Variants in CDH8 observed in about 807,000 individuals in gnomAD.
CDH8 encodes the protein cadherin 8.
CDH8 carries 17 observed loss-of-function variants against 68.1 expected under a neutral mutation model. The observed-to-expected ratio is 0.25, with a 90% confidence interval of 0.17 to 0.37. The LOEUF (loss-of-function observed/expected upper bound fraction) is 0.37, where lower values mean the gene tolerates loss of function less well. Ranked by LOEUF, CDH8 falls within the 10% of genes least tolerant of loss-of-function variation. The probability of loss-of-function intolerance (pLI) is 1.00; values close to 1 mark genes in which losing one functional copy is unlikely to be tolerated. For missense variants in CDH8, 763 were observed against 999.3 expected, an observed-to-expected ratio of 0.76 and a Z score of 3.19; for synonymous variants, 372 against 365.1, an observed-to-expected ratio of 1.02 and a Z score of -0.21.
At chr16:61,658,801 A>G (rs1439472790) in intron 10 of CDH8, among the ~76,000 whole-genome samples, 1 of 152,166 alleles carries the variant, frequency 6.6e-6, no homozygotes, top group African/African-American at 2.4e-5. Context: ...AGTTATATTG[A>G]AATATTAACC....
intron 8 of CDH8, among the ~76,000 whole-genome samples, chr16:61,782,545 T>A (rs1283736761): frequency 6.6e-6 from 1 of 151,926 alleles, no homozygotes; most frequent in East Asian, 1.9e-4. Context: ...CTTGCTTAGG[T>A]AAACAAAGCA....
intron 2 of CDH8, among the ~76,000 whole-genome samples, chr16:61,993,499 G>A (rs900504868): frequency 6.6e-6 from 1 of 152,074 alleles, no homozygotes; most frequent in Non-Finnish European, 1.5e-5. Flanking sequence ...GTTTGCAACA[G>A]TAATCTTTTT....
intron 4 of CDH8, among the ~76,000 whole-genome samples, chr16:61,854,139 C>T (rs1052414946): frequency 9.9e-5 from 15 of 151,642 alleles, no homozygotes; most frequent in Non-Finnish European, 1.6e-4. Context: ...TACACACACA[C>T]ACACACACAC....
At chr16:61,929,962 A>G (rs1964514869) in intron 2 of CDH8, among the ~76,000 whole-genome samples, 1 of 152,172 alleles carries the variant, frequency 6.6e-6, no homozygotes, top group Admixed American at 6.5e-5. Context: ...CCAAAAGCCA[A>G]TATTAAATAA....
At chr16:61,780,222 G>C (rs1215913252) in intron 8 of CDH8, among the ~76,000 whole-genome samples, 1 of 152,142 alleles carries the variant, frequency 6.6e-6, no homozygotes, top group Non-Finnish European at 1.5e-5. Flanking sequence ...GCCATGCACT[G>C]TAGTTTCAGG....
intron 10 of CDH8, among the ~76,000 whole-genome samples, chr16:61,668,959 T>C (rs1167337938): frequency 6.6e-6 from 1 of 152,080 alleles, no homozygotes. Context: ...AGCACTAGTT[T>C]AAGTGAAGTA....
chr16:61,879,098 C>G (rs1449198639), intron 3 of CDH8, among the ~76,000 whole-genome samples: 1 of 152,002 alleles, frequency 6.6e-6, no homozygotes, highest in Non-Finnish European at 1.5e-5. Flanking sequence ...TGTCTAAATC[C>G]CACACAAATT....
chr16:61,649,209 C>G lies in CDH8; in HGVS notation c.*4399G>C, dbSNP rs1465833087. The G allele has an allele frequency of 6.6e-6, 1 of 151,708 alleles. No homozygotes were observed. Among genetic ancestry groups the G allele is most frequent in the Non-Finnish European group, 1.5e-5 (1 of 67,882 alleles). 9.4% of individuals were successfully genotyped at this position (151,708 alleles called of 1,614,324 possible). ...CAACGTGACATATTTAATTCTAATC[C>G]CAGGTATTATGAGCCATTATTCTGT... is the stretch of plus-strand genomic sequence containing the variant. On this transcript the variant is annotated 3_prime_UTR_variant, in exon 12 of 12. Coordinates refer to ENST00000577390, the MANE Select transcript of CDH8 (RefSeq NM_001796.5).
In CDH8 at chr16:61,649,051, A is replaced by T. The variant is rs960548561; in HGVS notation, c.*4557T>A. ...TGTTTGGCTGAGTAACAGTGCAAAGACACTTTTTATAGCAAATAAAACAGT... is the reference window on the plus strand; with the variant it reads ...TGTTTGGCTGAGTAACAGTGCAAAGTCACTTTTTATAGCAAATAAAACAGT... On this transcript the variant is annotated 3_prime_UTR_variant, in exon 12 of 12. Transcript: ENST00000577390. The T allele has an allele frequency of 2.0e-5, 3 of 152,070 alleles. No homozygotes were observed. The highest frequency in any genetic ancestry group is 7.2e-5 in the African/African-American group (3 of 41,446). The allele number at this position is 152,070 out of a possible 1,614,324, so 9.4% of individuals were successfully genotyped here.
At chr16:61,680,594 A>G (rs1490500848) in intron 10 of CDH8, among the ~76,000 whole-genome samples, 2 of 151,666 alleles carry the variant, frequency 1.3e-5, no homozygotes, top group Non-Finnish European at 2.9e-5. Flanking sequence ...ATACTTATAA[A>G]TCTGCATAAC....
At chr16:62,015,847 A>T (rs1901926156) in intron 2 of CDH8, among the ~76,000 whole-genome samples, 1 of 152,164 alleles carries the variant, frequency 6.6e-6, no homozygotes, top group South Asian at 2.1e-4. Context: ...CAAACTGGAA[A>T]AGGGCTCTCA....
rs1963257760 is a variant in CDH8 at position 61,648,698 on chromosome 16, A to G, written c.*4910T>C. ...AAAATAAGTTTGAGAATGCTACTGT[A>G]TTTAATCTTTCTGTATCAACCATGT... On this transcript the variant is annotated 3_prime_UTR_variant, in exon 12 of 12. Transcript: ENST00000577390. The G allele has an allele frequency of 6.6e-6, 1 of 151,954 alleles. No individual in the cohort carries two copies. The highest frequency in any genetic ancestry group is 2.1e-4 in the South Asian group (1 of 4,830). The allele number at this position is 151,954 out of a possible 1,614,324, so 9.4% of individuals were successfully genotyped here.
At chr16:61,707,267 TGTCA>T (rs774247047) in intron 10 of CDH8, among the ~76,000 whole-genome samples, 3 of 152,226 alleles carry the variant, frequency 2.0e-5, no homozygotes, top group Non-Finnish European at 4.4e-5. Flanking sequence ...ATCACCAATT[TGTCA>T]GTCAATGAAT....
chr16:61,900,854 T>G (rs1359856563), intron 3 of CDH8, among the ~76,000 whole-genome samples: 1 of 152,196 alleles, frequency 6.6e-6, no homozygotes, highest in Non-Finnish European at 1.5e-5. Flanking sequence ...AGGATTAGCT[T>G]GGCATGTTAG....
chr16:61,703,274 G>A (rs967446129), intron 10 of CDH8, among the ~76,000 whole-genome samples: 4 of 151,988 alleles, frequency 2.6e-5, no homozygotes, highest in African/African-American at 9.7e-5. Flanking sequence ...GTTAATATAG[G>A]GAGATAGTTT....
At chr16:61,951,121 C>G (rs2143585111) in intron 2 of CDH8, among the ~76,000 whole-genome samples, 1 of 151,998 alleles carries the variant, frequency 6.6e-6, no homozygotes, top group Admixed American at 6.6e-5. Flanking sequence ...TCATCATCAT[C>G]ATGGCAGGTA....
At chr16:61,768,367 T>TCTCC (rs1567461178) in intron 8 of CDH8, among the ~76,000 whole-genome samples, 22 of 80,640 alleles carry the variant, frequency 2.7e-4, no homozygotes, top group African/African-American at 7.1e-4. Context: ...TCTCTCTCTC[T>TCTCC]CCCTTTCTCT....
At chr16:61,998,897 GA>G (rs1965849232) in intron 2 of CDH8, among the ~76,000 whole-genome samples, 1 of 151,984 alleles carries the variant, frequency 6.6e-6, no homozygotes, top group African/African-American at 2.4e-5. Context: ...AATCAATACA[GA>G]GGGGAAAAAA....
In CDH8 at chr16:61,652,651, A is replaced by T. The variant is rs1596831077; in HGVS notation, c.*957T>A. The T allele has an allele frequency of 2.7e-6, 3 of 1,119,976 alleles. No individual in the cohort carries two copies. Among genetic ancestry groups the T allele is most frequent in the East Asian group, 6.7e-5 (2 of 30,052 alleles). The allele number at this position is 1,119,976 out of a possible 1,614,324, so 69.4% of individuals were successfully genotyped here. A position where few individuals can be genotyped will look rare whatever the true frequency, so the allele number is the denominator to read the frequency against. ...CATTGTATATATATTTATATAAAAC[A>T]ATCTAAAGGATTATTAATGGATATA... On this transcript the variant is annotated 3_prime_UTR_variant, in exon 12 of 12. Coordinates refer to ENST00000577390, the MANE Select transcript of CDH8 (RefSeq NM_001796.5).
Sources: gnomAD v4.1 joint callset for allele counts (sites outside exome capture counted in the v4.1 genomes callset) on GRCh38, gnomAD v4.1.1 for gene constraint, MANE v1.5 for transcripts, NCBI Gene and HGNC (gene_info 2026-07-23, HGNC 2026-07-21) for gene names.